Variants in CNTN4 observed in about 807,000 individuals in gnomAD.
The protein encoded by CNTN4 is contactin 4, also known as contactin-4.
In CNTN4, 77 loss-of-function variants were observed where a neutral mutation model predicts 122.5. That is an observed-to-expected ratio of 0.63 (90% confidence interval 0.52 to 0.76). The LOEUF is 0.76. Ranked by LOEUF, CNTN4 falls within the 30% of genes least tolerant of loss-of-function variation. CNTN4 has a pLI of 0.00. For missense variants in CNTN4, 1,256 were observed against 1,259.1 expected (o/e 1.00, Z 0.04); for synonymous variants, 512 against 447.0 (o/e 1.15, Z -1.83).
At chr3:2,490,220 G>A (rs1170231382) in intron 3 of CNTN4, among the ~76,000 whole-genome samples, 1 of 152,190 alleles carries the variant, frequency 6.6e-6, no homozygotes, top group Non-Finnish European at 1.5e-5. Context: ...AAAGGCACAC[G>A]CTCATCTGAG....
At chr3:2,639,227 A>G (rs192922508) in intron 4 of CNTN4, among the ~76,000 whole-genome samples, 2 of 152,002 alleles carry the variant, frequency 1.3e-5, no homozygotes, top group East Asian at 1.9e-4. Flanking sequence ...CTCCTCAACT[A>G]TCTAACTCCT....
At chr3:2,896,952 T>TTCC (rs2094121809) in intron 10 of CNTN4, among the ~76,000 whole-genome samples, 26 of 145,700 alleles carry the variant, frequency 1.8e-4, no homozygotes, top group African/African-American at 3.9e-4. Flanking sequence ...TTTTTTTTGC[T>TTCC]ATCACATCCT....
chr3:2,932,861 C>T (rs538203074), intron 13 of CNTN4, among the ~76,000 whole-genome samples: 18 of 151,806 alleles, frequency 1.2e-4, no homozygotes, highest in East Asian at 3.9e-4. Flanking sequence ...CTCGCTCTGT[C>T]GCCCAGGCTG....
rs368593917 is a variant in CNTN4 at position 2,806,428 on chromosome 3, G to T, written c.359-13058G>T. Among the ~76,000 whole-genome samples the T allele has an allele frequency of 3.5e-4, 53 of 152,258 alleles. No individual in the cohort carries two copies. The South Asian group carries it at 0.011, about 31-fold the overall frequency. On this transcript the variant is annotated intron_variant, in intron 6 of 24. Coordinates refer to ENST00000418658, the MANE Select transcript of CNTN4 (RefSeq NM_175607.3). The stretch of plus-strand genomic sequence containing the variant: ...TTGACGAAGGGAGGGCTGTCAGGCC[G>T]CACAAAGGATGGTAAGGTCTTCCTA...
At chr3:2,287,779 GA>G (rs2041995596) in intron 2 of CNTN4, among the ~76,000 whole-genome samples, 2 of 139,894 alleles carry the variant, frequency 1.4e-5, no homozygotes, top group Admixed American at 1.4e-4. Flanking sequence ...GAAGAAGAAG[GA>G]GAAGAAGAGG....
At chr3:2,439,691 A>G (rs1467023748) in intron 3 of CNTN4, among the ~76,000 whole-genome samples, 1 of 152,054 alleles carries the variant, frequency 6.6e-6, no homozygotes, top group East Asian at 1.9e-4. Flanking sequence ...GAAGAAGACA[A>G]GTCTAGTGGC....
At chr3:2,460,908 G>A (rs1461413607) in intron 3 of CNTN4, among the ~76,000 whole-genome samples, 1 of 151,996 alleles carries the variant, frequency 6.6e-6, no homozygotes, top group East Asian at 1.9e-4. Flanking sequence ...TTCTCATGTA[G>A]CTTCCAGTTA....
chr3:2,104,238 G>C (rs1341327849), intron 2 of CNTN4, among the ~76,000 whole-genome samples: 1 of 139,078 alleles, frequency 7.2e-6, no homozygotes, highest in Non-Finnish European at 1.6e-5. Flanking sequence ...ACGTGTGTGT[G>C]TGTGTGTGTG....
chr3:2,422,974 A>G (rs762485410), intron 3 of CNTN4, among the ~76,000 whole-genome samples: 6 of 152,216 alleles, frequency 3.9e-5, no homozygotes, highest in Non-Finnish European at 8.8e-5. Context: ...CAAACTGAAA[A>G]AGCAGCATTG....
chr3:2,756,383 T>C (rs2090340622), intron 6 of CNTN4, among the ~76,000 whole-genome samples: 1 of 152,116 alleles, frequency 6.6e-6, no homozygotes, highest in Admixed American at 6.5e-5. Context: ...GCCATGTGAG[T>C]GAGAAGGTGG....
At chr3:3,047,451 C>T (rs1466513595) in intron 23 of CNTN4, among the ~76,000 whole-genome samples, 1 of 151,974 alleles carries the variant, frequency 6.6e-6, no homozygotes, top group African/African-American at 2.4e-5. Context: ...TGCGATCAAA[C>T]TAGAACTCAG....
intron 3 of CNTN4, among the ~76,000 whole-genome samples, chr3:2,555,667 A>T (rs1312288473): frequency 6.6e-6 from 1 of 152,192 alleles, no homozygotes; most frequent in East Asian, 1.9e-4. Context: ...TACAAAGGTA[A>T]GGAGACAAGA....
intron 4 of CNTN4, among the ~76,000 whole-genome samples, chr3:2,578,390 A>T (rs1470799218): frequency 6.6e-6 from 1 of 152,200 alleles, no homozygotes; most frequent in Non-Finnish European, 1.5e-5. Flanking sequence ...GCTCATGACC[A>T]ACCCAGAAGG....
chr3:2,981,449 A>G (rs1694008837), intron 13 of CNTN4, among the ~76,000 whole-genome samples: 1 of 152,100 alleles, frequency 6.6e-6, no homozygotes. Context: ...GTCTCAAAAA[A>G]CAAAAAAAGG....
intron 2 of CNTN4, among the ~76,000 whole-genome samples, chr3:2,187,315 G>GT (rs1290528683): frequency 1.3e-5 from 2 of 152,158 alleles, no homozygotes; most frequent in African/African-American, 4.8e-5. Flanking sequence ...GTACCATGCT[G>GT]TTTTGGTTAC....
intron 3 of CNTN4, among the ~76,000 whole-genome samples, chr3:2,364,370 C>G (rs960226155): frequency 6.6e-6 from 1 of 152,114 alleles, no homozygotes; most frequent in Non-Finnish European, 1.5e-5. Context: ...GCTGCCCTTG[C>G]TGTTTTTATT....
chr3:2,554,505 C>T, intron 3 of CNTN4, among the ~76,000 whole-genome samples: 1 of 151,836 alleles, frequency 6.6e-6, no homozygotes, highest in East Asian at 1.9e-4. Context: ...TTTTGTTATA[C>T]CCAGAGAAGA....
chr3:2,535,004 A>T (rs145427091), intron 3 of CNTN4, among the ~76,000 whole-genome samples: 1 of 152,238 alleles, frequency 6.6e-6, no homozygotes, highest in African/African-American at 2.4e-5. Flanking sequence ...GCCTTGCTTC[A>T]GCTCTAAAGG....
At chr3:2,598,553 T>C (rs1364188627) in intron 4 of CNTN4, among the ~76,000 whole-genome samples, 2 of 152,202 alleles carry the variant, frequency 1.3e-5, no homozygotes, top group Admixed American at 6.5e-5. Context: ...CACATATATA[T>C]ATTTTTAATA....
Sources: allele counts gnomAD v4.1 joint callset (sites outside exome capture counted in the v4.1 genomes callset), GRCh38; gene constraint gnomAD v4.1.1; transcripts MANE v1.5; gene names NCBI Gene and HGNC (gene_info 2026-07-23, HGNC 2026-07-21).